PPP1R3A: variants seen among roughly 807,000 people sequenced by gnomAD.
The protein encoded by PPP1R3A is RG1.
In PPP1R3A, 29 loss-of-function variants were observed where a neutral mutation model predicts 41.7. That is an observed-to-expected ratio of 0.70 (90% CI 0.52 to 0.95). The LOEUF (loss-of-function observed/expected upper bound fraction) is 0.95. Among genes scored for constraint, PPP1R3A ranks in the 40% least tolerant of loss-of-function variants. PPP1R3A has a pLI of 0.00. For missense variants in PPP1R3A, 1,352 were observed against 1,292.4 expected (o/e 1.05, Z -0.71); for synonymous variants, 485 against 453.4 (o/e 1.07, Z -0.89).
rs753896598 is a variant in PPP1R3A at position 113,905,870 on chromosome 7, T to C, written c.782+12345A>G. Among the ~76,000 whole-genome samples the C allele has an allele frequency of 4.6e-5, 7 of 151,914 alleles. No individual in the cohort carries two copies. The Middle Eastern group carries it at 0.01, about 221-fold the overall frequency. The stretch of plus-strand genomic sequence containing the variant: ...GTGAATCATTTCTGATCAGTGAACA[T>C]AGAATTTCTACCTTTGGTCTTTTGT... On this transcript the variant is annotated intron_variant, in intron 1 of 3. Transcript: ENST00000284601.
At position 113,876,873 on chromosome 7, in the gene PPP1R3A, T is replaced by C. The variant is rs1180952912; in HGVS notation, c.*850A>G. 1 of 152,062 alleles carries C rather than the reference T, an allele frequency of 6.6e-6. No homozygotes were observed. The highest frequency in any genetic ancestry group is 2.4e-5 in the African/African-American group (1 of 41,442). The allele number at this position is 152,062 out of a possible 1,614,324, so 9.4% of individuals were successfully genotyped here. ...ATTTTTATTGTCATTTAATGCCTTA[T>C]GCTTTATAGGTACAAATTCATTCTG... On this transcript the variant is annotated 3_prime_UTR_variant, in exon 4 of 4. Coordinates refer to ENST00000284601, the MANE Select transcript of PPP1R3A (RefSeq NM_002711.4).
intron 1 of PPP1R3A, among the ~76,000 whole-genome samples, chr7:113,903,595 T>C (rs1448408196): frequency 6.6e-6 from 1 of 151,792 alleles, no homozygotes; most frequent in Admixed American, 6.6e-5. Context: ...GCAGAAAAAG[T>C]TGGGAAATCA....
intron 1 of PPP1R3A, among the ~76,000 whole-genome samples, chr7:113,916,420 T>C (rs1797344480): frequency 6.6e-6 from 1 of 152,080 alleles, no homozygotes; most frequent in Non-Finnish European, 1.5e-5. Flanking sequence ...AAAAATATTA[T>C]GACCAAGGTA....
At chr7:113,897,143 C>T (rs764077714) in intron 1 of PPP1R3A, among the ~76,000 whole-genome samples, 8 of 151,832 alleles carry the variant, frequency 5.3e-5, no homozygotes, top group Admixed American at 2.0e-4. Context: ...TACTATTTCT[C>T]TCTTAAATTT....
chr7:113,899,402 T>C (rs779163597), intron 1 of PPP1R3A, among the ~76,000 whole-genome samples: 13 of 151,842 alleles, frequency 8.6e-5, no homozygotes, highest in Admixed American at 2.0e-4. Context: ...AAGTCATCAC[T>C]GAGGGAGCAA....
rs28611063 is a variant in PPP1R3A, at chr7:113,908,326, G to A, written c.782+9889C>T. On this transcript the variant is annotated intron_variant, in intron 1 of 3. Transcript: ENST00000284601. ...AGAGATCAGGTTAAGTGAAAAGCTC[G>A]TGTGTGCACACACGTGTGTGTGTGT... Among the ~76,000 whole-genome samples, 429 of 151,968 alleles carry A rather than the reference G, an allele frequency of 2.8e-3. 3 individuals carry two copies. The highest frequency in any genetic ancestry group is 8.6e-3 in the African/African-American group (357 of 41,520).
In PPP1R3A at chr7:113,878,488, C is replaced by A; in HGVS notation, c.2604G>T (p.Met868Ile). The A allele has an allele frequency of 1.9e-6, 3 of 1,613,230 alleles. 1 individual carries two copies. The highest frequency in any genetic ancestry group is 2.2e-5 in the South Asian group (2 of 91,068). ...ATSKLDLQLG[M>I]LPTDKTVFSE... ...AAAATACAGTTTTGTCTGTTGGTAA[C>A]ATTCCCAACTGTAAATCCAGTTTTG... is the stretch of plus-strand genomic sequence containing the variant. The change falls in exon 4 of 4, where the codon ATG becomes ATT. Residue 868 changes from methionine (M) to isoleucine (I), a missense_variant. Met to Ile is a conservative substitution (Grantham distance 10). Transcript: ENST00000284601.
intron 1 of PPP1R3A, among the ~76,000 whole-genome samples, chr7:113,891,746 CA>C (rs1796893051): frequency 6.6e-6 from 1 of 151,938 alleles, no homozygotes; most frequent in East Asian, 1.9e-4. Context: ...TTAACACTGT[CA>C]AAATGTAGTC....
intron 1 of PPP1R3A, among the ~76,000 whole-genome samples, chr7:113,900,495 A>C (rs1797044104): frequency 6.6e-6 from 1 of 151,288 alleles, no homozygotes; most frequent in Non-Finnish European, 1.5e-5. Flanking sequence ...AGGCACTTGC[A>C]AGATTACACT....
chr7:113,882,697 T>G (rs925969787), intron 1 of PPP1R3A, among the ~76,000 whole-genome samples: 1 of 152,012 alleles, frequency 6.6e-6, no homozygotes, highest in African/African-American at 2.4e-5. Flanking sequence ...CATGGCTTAA[T>G]GATAAAATTT....
intron 1 of PPP1R3A, among the ~76,000 whole-genome samples, chr7:113,908,528 A>G (rs550817792): frequency 1.3e-5 from 2 of 152,126 alleles, no homozygotes; most frequent in South Asian, 4.1e-4. Flanking sequence ...ACATACACAC[A>G]AAGTCAAGAA....
At position 113,882,286 on chromosome 7, in the gene PPP1R3A, T is replaced by C; in HGVS notation, c.817A>G (p.Asn273Asp). Residue 273 changes from asparagine to aspartate, a missense_variant, in exon 2 of 4, where the codon AAC becomes GAC. Coordinates refer to ENST00000284601, the MANE Select transcript of PPP1R3A (RefSeq NM_002711.4). ...EESSVTSEEN[N>D]FENPKNTDTY... is the part of the protein sequence containing the mutation. The stretch of plus-strand genomic sequence containing the variant: ...CCTGTATTCTTTGGATTCTCAAAGT[T>C]ATTTTCTTCTGATGTTACTGATGAT... 1 of 1,486,700 alleles carries C rather than the reference T, an allele frequency of 6.7e-7. No homozygotes were observed. Among genetic ancestry groups the C allele is most frequent in the Non-Finnish European group, 9.4e-7 (1 of 1,066,450 alleles). 92.1% of individuals were successfully genotyped at this position (1,486,700 alleles called of 1,614,324 possible). A position where few individuals can be genotyped will look rare whatever the true frequency, so the allele number is the denominator to read the frequency against.
intron 1 of PPP1R3A, among the ~76,000 whole-genome samples, chr7:113,902,502 C>T (rs1797082580): frequency 6.6e-6 from 1 of 151,810 alleles, no homozygotes; most frequent in South Asian, 2.1e-4. Context: ...AGTCAGCTTG[C>T]CTCTCTGCGA....
intron 1 of PPP1R3A, among the ~76,000 whole-genome samples, chr7:113,901,605 T>C (rs544801976): frequency 6.6e-6 from 1 of 151,940 alleles, no homozygotes; most frequent in South Asian, 2.1e-4. Flanking sequence ...GCTTTTTTCA[T>C]TTTCTTTAAT....
chr7:113,881,549 T>C (rs997032310), intron 3 of PPP1R3A, among the ~76,000 whole-genome samples: 1 of 152,034 alleles, frequency 6.6e-6, no homozygotes, highest in East Asian at 1.9e-4. Flanking sequence ...GGCTATTTTC[T>C]TTTTACTTGG....
In PPP1R3A at chr7:113,882,323, G is replaced by C; in HGVS notation, c.783-3C>G. 1 of 1,432,672 alleles carries C rather than the reference G, an allele frequency of 7.0e-7. No individual in the cohort carries two copies. Among genetic ancestry groups the C allele is most frequent in the Non-Finnish European group, 9.8e-7 (1 of 1,020,150 alleles). 88.7% of individuals were successfully genotyped at this position (1,432,672 alleles called of 1,614,324 possible). On this transcript the variant is annotated splice_polypyrimidine_tract_variant and splice_region_variant and intron_variant, in intron 1 of 3. Transcript: ENST00000284601. ...ATGTTACTGATGATTCTTCTTTACT[G>C]TTAAATTTAAAAGAAAATGTTATAT... is the stretch of plus-strand genomic sequence containing the variant.
chr7:113,901,287 C>T (rs995822158), intron 1 of PPP1R3A, among the ~76,000 whole-genome samples: 3 of 151,666 alleles, frequency 2.0e-5, no homozygotes, highest in African/African-American at 7.3e-5. Context: ...GGTCCATTAC[C>T]TGAACATTTT....
Position 113,878,760 on chromosome 7 carries a change from C to G in PPP1R3A, c.2332G>C (p.Gly778Arg). 1 of 1,613,494 alleles carries G rather than the reference C, an allele frequency of 6.2e-7. No individual in the cohort carries two copies. The highest frequency in any genetic ancestry group is 8.5e-7 in the Non-Finnish European group (1 of 1,179,716). The change falls in exon 4 of 4, where the codon GGG (glycine) becomes CGG (arginine). Residue 778 changes from glycine to arginine, a missense_variant. Gly to Arg is a moderately radical substitution (Grantham distance 125, BLOSUM62 -2). Transcript: ENST00000284601. ...GTATAATGTGAATCATCATTTCTCC[C>G]TTCATGTGGATCAAACGCTGTTTCC... is the stretch of plus-strand genomic sequence containing the variant. ...VKETAFDPHE[G>R]RNDDSHYTLC...
intron 1 of PPP1R3A, among the ~76,000 whole-genome samples, chr7:113,909,348 G>A (rs888941795): frequency 1.3e-5 from 2 of 151,914 alleles, no homozygotes; most frequent in Non-Finnish European, 2.9e-5. Flanking sequence ...TAAATGAAGC[G>A]ATCTTCTGAA....
Sources: gnomAD v4.1 joint callset for allele counts (sites outside exome capture counted in the v4.1 genomes callset) on GRCh38, gnomAD v4.1.1 for gene constraint, MANE v1.5 for transcripts, NCBI Gene and HGNC (gene_info 2026-07-23, HGNC 2026-07-21) for gene names.